The following BBOX1 variants were observed in gnomAD, a reference collection of about 807,000 sequenced individuals.
The protein encoded by BBOX1 is gamma-butyrobetaine hydroxylase 1.
BBOX1 carries 35 observed loss-of-function variants against 41.6 expected under a neutral mutation model. The observed-to-expected ratio is 0.84, with a 90% confidence interval of 0.64 to 1.11. BBOX1 has a LOEUF of 1.11. Among genes scored for constraint, BBOX1 ranks in the 50% most tolerant of loss-of-function variants. The pLI is 0.00. For missense variants in BBOX1, 458 were observed against 460.6 expected, an observed-to-expected ratio of 0.99 and a Z score of 0.05; for synonymous variants, 163 against 154.7, an observed-to-expected ratio of 1.05 and a Z score of -0.40.
chr11:27,126,480 G>A (rs1859656770), intron 8 of BBOX1, among the ~76,000 whole-genome samples: 1 of 151,990 alleles, frequency 6.6e-6, no homozygotes, highest in African/African-American at 2.4e-5. Context: ...TGTAGTTTTG[G>A]GTAAATTCCT....
At chr11:27,121,017 G>GA (rs1376580263) in intron 7 of BBOX1, among the ~76,000 whole-genome samples, 5 of 151,966 alleles carry the variant, frequency 3.3e-5, no homozygotes, top group Admixed American at 2.6e-4. Flanking sequence ...AAATGCTTAA[G>GA]AAAAAAAGGA....
intron 4 of BBOX1, among the ~76,000 whole-genome samples, chr11:27,077,846 C>G (rs1471094688): frequency 3.3e-5 from 5 of 151,938 alleles, no homozygotes; most frequent in Non-Finnish European, 5.9e-5. Flanking sequence ...TTAGTTGGAG[C>G]CTTTTATCAT....
intron 8 of BBOX1, 127 bp from the exon 9 acceptor site, chr11:27,127,166 T>G (rs1195183644): frequency 1.9e-6 from 2 of 1,037,410 alleles, no homozygotes; most frequent in South Asian, 1.5e-5. Context: ...TGCAGTTTCA[T>G]GTAAAGAAAT....
intron 4 of BBOX1, among the ~76,000 whole-genome samples, chr11:27,087,631 A>T (rs767463292): frequency 9.2e-5 from 14 of 152,080 alleles, no homozygotes; most frequent in Non-Finnish European, 1.6e-4. Context: ...CTCCAAGGGT[A>T]TGTCTATATC....
At chr11:27,109,077 A>T (rs1858965581) in intron 5 of BBOX1, among the ~76,000 whole-genome samples, 1 of 152,126 alleles carries the variant, frequency 6.6e-6, no homozygotes, top group Admixed American at 6.6e-5. Flanking sequence ...ACAGTCCAGA[A>T]GAGGAAGCGG....
chr11:27,106,997 A>C (rs1032283040), intron 5 of BBOX1, among the ~76,000 whole-genome samples: 1 of 152,216 alleles, frequency 6.6e-6, no homozygotes, highest in African/African-American at 2.4e-5. Flanking sequence ...TACTGGGTAC[A>C]TAGTGAAATG....
At chr11:27,048,153 GA>G (rs927549020) in intron 2 of BBOX1, among the ~76,000 whole-genome samples, 8 of 151,942 alleles carry the variant, frequency 5.3e-5, no homozygotes, top group African/African-American at 1.9e-4. Context: ...AGCAAATTTC[GA>G]ATACACAAGA....
chr11:27,076,219 T>C (rs1857624933), intron 4 of BBOX1, among the ~76,000 whole-genome samples: 1 of 152,214 alleles, frequency 6.6e-6, no homozygotes, highest in Non-Finnish European at 1.5e-5. Context: ...TGATGTGATC[T>C]GTCCTCTAGT....
chr11:27,092,088 A>C (rs575425775), intron 4 of BBOX1, among the ~76,000 whole-genome samples: 1 of 152,074 alleles, frequency 6.6e-6, no homozygotes, highest in Middle Eastern at 3.4e-3. Flanking sequence ...TGACGCCTAC[A>C]AAAATTCCTA....
intron 5 of BBOX1, among the ~76,000 whole-genome samples, chr11:27,109,020 G>A (rs766888247): frequency 3.9e-5 from 6 of 152,020 alleles, no homozygotes; most frequent in Admixed American, 1.3e-4. Flanking sequence ...CACTGGTTTC[G>A]TTGATGGTAG....
At chr11:27,070,945 C>A (rs538858472) in intron 4 of BBOX1, among the ~76,000 whole-genome samples, 11 of 152,254 alleles carry the variant, frequency 7.2e-5, no homozygotes, top group African/African-American at 2.6e-4. Context: ...GAACTCCTAG[C>A]ATTCTTGCAG....
chr11:27,076,168 C>A (rs1857623986), intron 4 of BBOX1, among the ~76,000 whole-genome samples: 1 of 152,212 alleles, frequency 6.6e-6, no homozygotes, highest in Non-Finnish European at 1.5e-5. Context: ...GGGGCTGCCA[C>A]ACTCCAGGTT....
chr11:27,057,784 G>T (rs993813078), intron 4 of BBOX1, among the ~76,000 whole-genome samples: 5 of 94,392 alleles, frequency 5.3e-5, no homozygotes, highest in African/African-American at 2.1e-4. Flanking sequence ...AAATGCCAGT[G>T]AGTGTGGGAC....
At chr11:27,119,530 G>C (rs970934261) in intron 6 of BBOX1, 119 bp from the exon 7 acceptor site, 3 of 591,184 alleles carry the variant, frequency 5.1e-6, no homozygotes, top group Non-Finnish European at 7.1e-6. Flanking sequence ...CTTTAACACA[G>C]TATCAAAAAA....
intron 4 of BBOX1, among the ~76,000 whole-genome samples, chr11:27,082,622 T>C (rs868591664): frequency 1.3e-5 from 2 of 152,090 alleles, no homozygotes; most frequent in African/African-American, 2.4e-5. Context: ...TTATCTAAGC[T>C]CCTTGTGCCT....
At chr11:27,125,272 C>A (rs1166371350) in intron 7 of BBOX1, among the ~76,000 whole-genome samples, 7 of 152,012 alleles carry the variant, frequency 4.6e-5, no homozygotes, top group South Asian at 2.1e-4. Flanking sequence ...ATACTTAGAA[C>A]CTTAATAAAT....
At chr11:27,093,673 G>GT (rs11371497) in intron 5 of BBOX1, among the ~76,000 whole-genome samples, 44,180 of 151,722 alleles carry the variant, frequency 0.29, 8,977 homozygotes, top group African/African-American at 0.57. Flanking sequence ...TTATTTATTT[G>GT]TTTTTTTACA....
At chr11:27,123,695 G>A (rs1859547262) in intron 7 of BBOX1, among the ~76,000 whole-genome samples, 1 of 152,152 alleles carries the variant, frequency 6.6e-6, no homozygotes, top group South Asian at 2.1e-4. Context: ...GAAAGGTCGT[G>A]TAGTCTCTGT....
chr11:27,107,131 A>G (rs1276900468), intron 5 of BBOX1, among the ~76,000 whole-genome samples: 1 of 152,196 alleles, frequency 6.6e-6, no homozygotes, highest in Non-Finnish European at 1.5e-5. Context: ...CCACAAGAGA[A>G]AGCAGGAAAG....
Sources: gnomAD v4.1 joint callset for allele counts (sites outside exome capture counted in the v4.1 genomes callset) on GRCh38, gnomAD v4.1.1 for gene constraint, MANE v1.5 for transcripts, NCBI Gene and HGNC (gene_info 2026-07-23, HGNC 2026-07-21) for gene names.